PAX2: variants seen among roughly 807,000 people sequenced by gnomAD.
The protein encoded by PAX2 is paired box protein Pax-2.
PAX2 carries 9 observed loss-of-function variants against 41.7 expected under a neutral mutation model. That is an observed-to-expected ratio of 0.22 (90% CI 0.13 to 0.38). The LOEUF is 0.38. PAX2 is among the 10% of genes least tolerant of loss of function. PAX2 has a pLI of 1.00. For synonymous variants in PAX2, 221 were observed against 212.7 expected (o/e 1.04, Z -0.34); for missense variants, 418 against 531.6 (o/e 0.79, Z 2.10).
In PAX2 at chr10:100,809,176, T is replaced by A; in HGVS notation, c.859T>A (p.Ser287Thr). Residue 287 changes from serine to threonine, a missense_variant, in exon 7 of 10, where the codon TCC (serine) becomes ACC (threonine). Physicochemically the swap from Ser to Thr is moderately conservative, Grantham distance 58. Around this residue, in one of 2 missense-constraint regions of PAX2, gnomAD observed 310 missense variants for 325.2 expected, o/e 0.95. Transcript: ENST00000355243. ...LDEVKSSLSA[S>T]TNPELGSNVS... is the part of the protein sequence containing the mutation. Reference sequence around the variant, plus strand: ...TGAAGTCAAGTCGAGTCTATCTGCATCCACCAACCCTGAGCTGGGCAGCAA... The same window carrying A: ...TGAAGTCAAGTCGAGTCTATCTGCAACCACCAACCCTGAGCTGGGCAGCAA... 1 of 1,613,790 alleles carries A rather than the reference T, an allele frequency of 6.2e-7. No individual in the cohort carries two copies. The highest frequency in any genetic ancestry group is 1.3e-5 in the African/African-American group (1 of 75,004).
chr10:100,758,654 C>T (rs565627108), intron 3 of PAX2, among the ~76,000 whole-genome samples: 3 of 152,204 alleles, frequency 2.0e-5, no homozygotes, highest in Admixed American at 6.5e-5. Flanking sequence ...GACAAACAGC[C>T]GGAGCACATG....
intron 3 of PAX2, among the ~76,000 whole-genome samples, chr10:100,752,726 C>T (rs556379104): frequency 1.1e-4 from 17 of 152,234 alleles, no homozygotes; most frequent in Non-Finnish European, 1.0e-4. Flanking sequence ...AGAGGAGTGG[C>T]GCAACAAGTC....
intron 4 of PAX2, among the ~76,000 whole-genome samples, chr10:100,780,542 G>T (rs1846576641): frequency 6.6e-6 from 1 of 152,206 alleles, no homozygotes; most frequent in Admixed American, 6.5e-5. Flanking sequence ...TGTGCTGGGA[G>T]GGAGGGTTGG....
intron 3 of PAX2, among the ~76,000 whole-genome samples, chr10:100,776,051 C>G (rs1015351286): frequency 3.3e-5 from 5 of 152,234 alleles, no homozygotes; most frequent in Non-Finnish European, 2.9e-5. Flanking sequence ...CATCCACAGT[C>G]CCTTAGGCAA....
At chr10:100,795,747 C>T (rs1847305016) in intron 5 of PAX2, among the ~76,000 whole-genome samples, 1 of 152,208 alleles carries the variant, frequency 6.6e-6, no homozygotes, top group Admixed American at 6.5e-5. Context: ...GGATCATCAA[C>T]AGCAGTTTTA....
At chr10:100,815,320 G>A (rs1429097376) in intron 7 of PAX2, among the ~76,000 whole-genome samples, 1 of 152,202 alleles carries the variant, frequency 6.6e-6, no homozygotes, top group Non-Finnish European at 1.5e-5. Context: ...TGATTAGCTA[G>A]AGGAATTTAG....
chr10:100,742,849 T>G (rs1250994992), upstream of PAX2, among the ~76,000 whole-genome samples: 2 of 33,350 alleles, frequency 6.0e-5, no homozygotes, highest in African/African-American at 3.8e-4. Context: ...CTTCCTTTTT[T>G]TTTTTTTTTT....
At chr10:100,786,879 C>G (rs1846890594) in intron 5 of PAX2, 1 of 1,027,802 alleles carries the variant, frequency 9.7e-7, no homozygotes. Flanking sequence ...GATCCTGCCC[C>G]CAATCTTCTG....
At chr10:100,800,475 A>G (rs1033617389) in intron 5 of PAX2, among the ~76,000 whole-genome samples, 4 of 151,684 alleles carry the variant, frequency 2.6e-5, no homozygotes, top group African/African-American at 9.7e-5. Context: ...GAGTCTCGCT[A>G]TGTTGCCCAG....
chr10:100,813,741 C>G (rs933304472), intron 7 of PAX2, among the ~76,000 whole-genome samples: 1 of 152,084 alleles, frequency 6.6e-6, no homozygotes, highest in Non-Finnish European at 1.5e-5. Context: ...TGCAGGAAAC[C>G]CAAGCCAGGA....
intron 5 of PAX2, among the ~76,000 whole-genome samples, chr10:100,803,258 G>A (rs544899745): frequency 2.0e-5 from 3 of 152,114 alleles, no homozygotes; most frequent in South Asian, 4.2e-4. Context: ...CTTCTGGTGC[G>A]GAAGGCTTCT....
intron 3 of PAX2, among the ~76,000 whole-genome samples, chr10:100,777,058 T>C (rs1362458763): frequency 6.6e-6 from 1 of 152,038 alleles, no homozygotes; most frequent in Non-Finnish European, 1.5e-5. Context: ...GCATAGATTT[T>C]AGAGGCTGCA....
chr10:100,777,618 C>T (rs1846444088), intron 3 of PAX2, among the ~76,000 whole-genome samples: 1 of 152,070 alleles, frequency 6.6e-6, no homozygotes, highest in Non-Finnish European at 1.5e-5. Context: ...TGGTCTCAAA[C>T]TCCTGACCTC....
At chr10:100,763,017 A>C (rs187746963) in intron 3 of PAX2, among the ~76,000 whole-genome samples, 2 of 152,338 alleles carry the variant, frequency 1.3e-5, no homozygotes, top group East Asian at 3.9e-4. Context: ...CTTTAAACAC[A>C]TGAGTCTCTT....
chr10:100,816,319 T>A (rs1848183754), intron 7 of PAX2, among the ~76,000 whole-genome samples: 1 of 152,260 alleles, frequency 6.6e-6, no homozygotes, highest in African/African-American at 2.4e-5. Context: ...TTTTGGTTTC[T>A]GTAGATGTCA....
intron 3 of PAX2, among the ~76,000 whole-genome samples, chr10:100,753,987 T>A (rs1845542605): frequency 6.6e-6 from 1 of 152,216 alleles, no homozygotes; most frequent in African/African-American, 2.4e-5. Context: ...TCTGAATCTT[T>A]CTAAACATTG....
At chr10:100,764,779 A>G (rs1026710328) in intron 3 of PAX2, among the ~76,000 whole-genome samples, 4 of 152,228 alleles carry the variant, frequency 2.6e-5, no homozygotes, top group Non-Finnish European at 2.9e-5. Flanking sequence ...TCTAGGCTTC[A>G]TGGCATTTTC....
intron 3 of PAX2, among the ~76,000 whole-genome samples, chr10:100,778,585 G>A (rs1391077246): frequency 6.6e-6 from 1 of 152,200 alleles, no homozygotes; most frequent in Non-Finnish European, 1.5e-5. Context: ...TATCAGAAAA[G>A]TGGCTTCCAA....
intron 5 of PAX2, among the ~76,000 whole-genome samples, chr10:100,785,815 T>C (rs1846828609): frequency 6.6e-6 from 1 of 152,114 alleles, no homozygotes; most frequent in South Asian, 2.1e-4. Flanking sequence ...GGATGGGCAG[T>C]GGGGCTCAGT....
Sources: gnomAD v4.1 joint callset for allele counts (sites outside exome capture counted in the v4.1 genomes callset) on GRCh38, gnomAD v4.1.1 for gene constraint, gnomAD v4.1.1 regional missense constraint, MANE v1.5 for transcripts, NCBI Gene and HGNC (gene_info 2026-07-23, HGNC 2026-07-21) for gene names.